The following FAM114A1 variants were observed in gnomAD, a reference collection of about 807,000 sequenced individuals.
The protein encoded by FAM114A1 is family with sequence similarity 114 member A1, also known as protein NOXP20.
Under a neutral mutation model 64.3 loss-of-function variants are expected in FAM114A1, and 62 were observed. That is an observed-to-expected ratio of 0.96 (90% CI 0.79 to 1.19). FAM114A1 has a LOEUF of 1.19. FAM114A1 is among the 50% of genes most tolerant of loss of function. FAM114A1 has a pLI of 0.00. For synonymous variants in FAM114A1, 254 were observed against 251.1 expected (o/e 1.01, Z -0.11); for missense variants, 645 against 676.3 (o/e 0.95, Z 0.51).
chr4:38,907,726 A>G (rs1435733419), intron 6 of FAM114A1, among the ~76,000 whole-genome samples: 1 of 152,188 alleles, frequency 6.6e-6, no homozygotes, highest in Non-Finnish European at 1.5e-5. Flanking sequence ...GAAAATGCAT[A>G]TCAGTAATAA....
chr4:38,936,337 G>A (rs185224408), intron 13 of FAM114A1, among the ~76,000 whole-genome samples: 31 of 151,724 alleles, frequency 2.0e-4, no homozygotes, highest in Middle Eastern at 3.4e-3. Context: ...CTCGTGATCC[G>A]CCCACCTCGG....
Position 38,878,018 on chromosome 4 carries a change from T to C in FAM114A1, c.-8-53T>C, listed in dbSNP as rs1714827361. 19 of 1,437,110 alleles carry C rather than the reference T, an allele frequency of 1.3e-5. No homozygotes were observed. In the South Asian group the frequency reaches 2.4e-4, roughly 18 times the overall value. 89.0% of individuals were successfully genotyped at this position (1,437,110 alleles called of 1,614,324 possible). ...AGATTTATTTATCCAGGGCTTTGAA[T>C]TGAAGCTTAACAATTCGATGAAAGC... is the stretch of plus-strand genomic sequence containing the variant. On this transcript the variant is annotated intron_variant, in intron 2 of 14. Coordinates refer to ENST00000358869, the MANE Select transcript of FAM114A1 (RefSeq NM_138389.4).
intron 6 of FAM114A1, among the ~76,000 whole-genome samples, chr4:38,907,583 A>C (rs1718146480): frequency 6.6e-6 from 1 of 152,210 alleles, no homozygotes. Flanking sequence ...GTGCGCACTG[A>C]AAACTGATTT....
chr4:38,924,141 C>T (rs2109758888), intron 9 of FAM114A1, among the ~76,000 whole-genome samples: 1 of 149,996 alleles, frequency 6.7e-6, no homozygotes, highest in East Asian at 1.9e-4. Context: ...GCAGTATCTT[C>T]ACTTGTAAAA....
chr4:38,911,832 C>CTTTTTTTTTTTTTTTTT (rs112484537), intron 7 of FAM114A1, among the ~76,000 whole-genome samples: 2 of 121,194 alleles, frequency 1.7e-5, no homozygotes, highest in Non-Finnish European at 1.8e-5. Context: ...TTTCTTTCTT[C>CTTTTTTTTTTTTTTTTT]TTTTTTTTTT....
chr4:38,920,464 A>G (rs1464372764), intron 8 of FAM114A1, among the ~76,000 whole-genome samples: 1 of 152,204 alleles, frequency 6.6e-6, no homozygotes, highest in African/African-American at 2.4e-5. Flanking sequence ...TTCAATGCAC[A>G]TGGCCTTGGC....
At chr4:38,939,807 TAGAC>T (rs1721440585) in intron 13 of FAM114A1, among the ~76,000 whole-genome samples, 1 of 152,214 alleles carries the variant, frequency 6.6e-6, no homozygotes, top group South Asian at 2.1e-4. Context: ...ATTGAACTCT[TAGAC>T]AGAGAAGACT....
chr4:38,892,743 A>G (rs1413379829), intron 4 of FAM114A1, among the ~76,000 whole-genome samples: 4 of 152,246 alleles, frequency 2.6e-5, no homozygotes, highest in Admixed American at 6.5e-5. Flanking sequence ...GTCCATGGCC[A>G]TGAGGACCTT....
intron 2 of FAM114A1, among the ~76,000 whole-genome samples, chr4:38,872,954 C>G (rs1199202405): frequency 6.6e-6 from 1 of 152,226 alleles, no homozygotes; most frequent in African/African-American, 2.4e-5. Context: ...CTAGGCTAGT[C>G]CTGATTCAGA....
intron 7 of FAM114A1, among the ~76,000 whole-genome samples, chr4:38,912,355 CA>C (rs1400410286): frequency 6.6e-6 from 1 of 152,014 alleles, no homozygotes; most frequent in Non-Finnish European, 1.5e-5. Context: ...ATCCCTCAGG[CA>C]GCTTTAATTT....
chr4:38,932,214 G>C (rs1040900839), intron 11 of FAM114A1, 21 bp from the exon 12 acceptor site: 4 of 1,574,792 alleles, frequency 2.5e-6, no homozygotes, highest in Non-Finnish European at 3.4e-6. Flanking sequence ...AAAATTTCTT[G>C]CTTGTGTCTA....
intron 13 of FAM114A1, among the ~76,000 whole-genome samples, chr4:38,940,582 G>A (rs771656502): frequency 6.6e-6 from 1 of 152,052 alleles, no homozygotes. Flanking sequence ...AGTAAAGACA[G>A]CATCCACTCT....
At chr4:38,929,437 A>C (rs543496417) in intron 10 of FAM114A1, 104 bp downstream of exon 10, 7 of 840,324 alleles carry the variant, frequency 8.3e-6, no homozygotes, top group African/African-American at 1.7e-5. Flanking sequence ...AAACCCCCAA[A>C]TCTTATGTGG....
At chr4:38,937,411 G>A (rs944916187) in intron 13 of FAM114A1, among the ~76,000 whole-genome samples, 4 of 152,098 alleles carry the variant, frequency 2.6e-5, no homozygotes, top group African/African-American at 4.8e-5. Flanking sequence ...TTCTCCCTGT[G>A]TCTCCACATC....
chr4:38,905,939 T>A, intron 6 of FAM114A1, 78 bp downstream of exon 6: 2 of 1,256,036 alleles, frequency 1.6e-6, no homozygotes, highest in Non-Finnish European at 2.2e-6. Context: ...ACCAGTGACC[T>A]AGATACATCA....
At chr4:38,884,384 A>G (rs1425563224) in intron 3 of FAM114A1, among the ~76,000 whole-genome samples, 4 of 152,364 alleles carry the variant, frequency 2.6e-5, no homozygotes, top group Admixed American at 6.5e-5. Flanking sequence ...TTCAGAGGCT[A>G]TCAGCACCTA....
chr4:38,932,663 A>AT (rs1041495919), intron 12 of FAM114A1, among the ~76,000 whole-genome samples: 1 of 151,650 alleles, frequency 6.6e-6, no homozygotes, highest in Admixed American at 6.6e-5. Flanking sequence ...CATCCAGCTA[A>AT]TTTTTTAATT....
At chr4:38,886,442 T>C (rs967750603) in intron 3 of FAM114A1, among the ~76,000 whole-genome samples, 3 of 150,642 alleles carry the variant, frequency 2.0e-5, no homozygotes, top group African/African-American at 7.3e-5. Context: ...AAGTGCTGGG[T>C]TTACAGGTGT....
At chr4:38,906,979 A>G (rs1330173607) in intron 6 of FAM114A1, among the ~76,000 whole-genome samples, 1 of 152,246 alleles carries the variant, frequency 6.6e-6, no homozygotes, top group Non-Finnish European at 1.5e-5. Flanking sequence ...TCTTGGATAT[A>G]TGCTGGCAAA....
Sources: allele counts gnomAD v4.1 joint callset (sites outside exome capture counted in the v4.1 genomes callset), GRCh38; gene constraint gnomAD v4.1.1; transcripts MANE v1.5; gene names NCBI Gene and HGNC (gene_info 2026-07-23, HGNC 2026-07-21).